The following PYM1 variants were observed in gnomAD, a reference collection of about 807,000 sequenced individuals.
The protein encoded by PYM1 is PYM1 exon junction complex associated factor.
PYM1 carries 7 observed loss-of-function variants against 20.7 expected under a neutral mutation model. The ratio of observed to expected loss-of-function variants is 0.34; its 90% CI spans 0.19 to 0.64. PYM1 has a LOEUF of 0.64. Among genes scored for constraint, PYM1 ranks in the 30% least tolerant of loss-of-function variants. The probability of loss-of-function intolerance (pLI) is 0.74; values close to 1 mark genes in which losing one functional copy is unlikely to be tolerated. For synonymous variants in PYM1, 100 were observed against 99.2 expected (o/e 1.01, Z -0.05); for missense variants, 194 against 250.0 (o/e 0.78, Z 1.51).
intron 1 of PYM1, among the ~76,000 whole-genome samples, chr12:55,921,563 T>C (rs1883097912): frequency 6.6e-6 from 1 of 151,932 alleles, no homozygotes; most frequent in Non-Finnish European, 1.5e-5. Flanking sequence ...TAAAAACACC[T>C]AGTGATCAGA....
intron 1 of PYM1, among the ~76,000 whole-genome samples, chr12:55,922,608 A>T (rs1157218631): frequency 6.6e-6 from 1 of 151,990 alleles, no homozygotes; most frequent in Non-Finnish European, 1.5e-5. Context: ...CAGAGGGAAG[A>T]CCCTGTCTCA....
intron 1 of PYM1, among the ~76,000 whole-genome samples, chr12:55,917,700 G>A (rs1883031246): frequency 1.3e-5 from 2 of 151,872 alleles, no homozygotes; most frequent in South Asian, 4.2e-4. Flanking sequence ...AGTGGCTCAC[G>A]CCTGTAATCC....
chr12:55,902,722 C>T (rs976874037), intron 2 of PYM1, among the ~76,000 whole-genome samples: 7 of 150,838 alleles, frequency 4.6e-5, no homozygotes, highest in East Asian at 4.0e-4. Flanking sequence ...GGTGATCCAC[C>T]GATCTTGGCC....
chr12:55,910,456 GT>G (rs1882902955), intron 1 of PYM1, among the ~76,000 whole-genome samples: 1 of 151,540 alleles, frequency 6.6e-6, no homozygotes. Flanking sequence ...TACTGTTTTT[GT>G]TTTTTGACAC....
At position 55,902,088 on chromosome 12, in the gene PYM1, T is replaced by C; in HGVS notation, c.399A>G (p.Ala133=). Residue 133 remains alanine (A), a synonymous_variant, in exon 3 of 3, where the codon GCA becomes GCG. Coordinates refer to ENST00000408946, the MANE Select transcript of PYM1 (RefSeq NM_032345.3). The part of the protein sequence containing the change: ...QLPSAPQGSR[A]APTAASDQPD... ...GCTGGTCAGATGCAGCTGTGGGGGC[T>C]GCCCGAGAGCCCTGTGGAGCACTGG... 6.2e-7 allele frequency: 1 copy of C among 1,614,150 alleles called. No homozygotes were observed. The highest frequency in any genetic ancestry group is 2.2e-5 in the East Asian group (1 of 44,864).
intron 1 of PYM1, among the ~76,000 whole-genome samples, chr12:55,923,356 A>G (rs1291770548): frequency 6.6e-6 from 1 of 152,002 alleles, no homozygotes; most frequent in African/African-American, 2.4e-5. Context: ...GCTTGAGCCC[A>G]GGAATTTGAG....
At chr12:55,916,041 A>G (rs1883000420) in intron 1 of PYM1, among the ~76,000 whole-genome samples, 1 of 152,258 alleles carries the variant, frequency 6.6e-6, no homozygotes, top group Non-Finnish European at 1.5e-5. Flanking sequence ...AAGAGGTTAA[A>G]CACATGGTCA....
At chr12:55,910,633 A>G (rs1203451569) in intron 1 of PYM1, among the ~76,000 whole-genome samples, 1 of 152,056 alleles carries the variant, frequency 6.6e-6, no homozygotes, top group Non-Finnish European at 1.5e-5. Flanking sequence ...TAGTAGAGAC[A>G]GGGTTTCGCC....
At chr12:55,920,951 T>C (rs965778821) in intron 1 of PYM1, among the ~76,000 whole-genome samples, 6 of 152,232 alleles carry the variant, frequency 3.9e-5, no homozygotes, top group African/African-American at 1.4e-4. Context: ...ATATATGCCA[T>C]ATATAACAGC....
At chr12:55,910,441 CTAAT>C (rs1338915730) in intron 1 of PYM1, among the ~76,000 whole-genome samples, 3 of 151,584 alleles carry the variant, frequency 2.0e-5, no homozygotes, top group African/African-American at 7.3e-5. Flanking sequence ...CCACACCTGG[CTAAT>C]TACTGTTTTT....
chr12:55,903,532 C>G (rs2136256325), intron 1 of PYM1, 52 bp from the exon 2 acceptor site: 1 of 1,549,232 alleles, frequency 6.5e-7, no homozygotes, highest in Non-Finnish European at 8.9e-7. Flanking sequence ...AAACATTTTA[C>G]AAGATGAGAC....
chr12:55,926,136 A>G (rs1290548712), intron 1 of PYM1, among the ~76,000 whole-genome samples: 1 of 152,252 alleles, frequency 6.6e-6, no homozygotes, highest in Non-Finnish European at 1.5e-5. Context: ...TGAGGGCTAC[A>G]AAAACAGAAA....
intron 2 of PYM1, 122 bp from the exon 3 acceptor site, chr12:55,902,477 G>A (rs1312288187): frequency 1.4e-6 from 2 of 1,391,752 alleles, no homozygotes; most frequent in Non-Finnish European, 1.9e-6. Flanking sequence ...TGTTGTTTTT[G>A]TGGGGTTGTT....
intron 1 of PYM1, among the ~76,000 whole-genome samples, chr12:55,923,666 G>A (rs185499568): frequency 6.6e-6 from 1 of 151,966 alleles, no homozygotes; most frequent in African/African-American, 2.4e-5. Flanking sequence ...CTATATTAAC[G>A]TAAGATGACA....
intron 1 of PYM1, chr12:55,914,343 G>A (rs1324913232): frequency 1.4e-6 from 1 of 702,200 alleles, no homozygotes; most frequent in Non-Finnish European, 2.6e-6. Flanking sequence ...CAAAAAGAAG[G>A]GAGAGGTTTG....
chr12:55,922,328 G>A (rs986374013), intron 1 of PYM1, among the ~76,000 whole-genome samples: 4 of 151,674 alleles, frequency 2.6e-5, no homozygotes, highest in African/African-American at 9.7e-5. Flanking sequence ...ATACTAACAG[G>A]CTGGGCATAG....
intron 1 of PYM1, among the ~76,000 whole-genome samples, chr12:55,915,847 G>C (rs1882996779): frequency 6.6e-6 from 1 of 152,210 alleles, no homozygotes; most frequent in Non-Finnish European, 1.5e-5. Flanking sequence ...AGAGAAAAGG[G>C]AAAGGGGATA....
intron 1 of PYM1, among the ~76,000 whole-genome samples, chr12:55,921,023 A>C (rs979632676): frequency 6.6e-6 from 1 of 152,244 alleles, no homozygotes; most frequent in Non-Finnish European, 1.5e-5. Context: ...GCACTTAAGA[A>C]GCAGTAATCT....
intron 1 of PYM1, chr12:55,926,939 AGAAT>A (rs1459600854): frequency 4.6e-5 from 41 of 899,914 alleles, no homozygotes; most frequent in Non-Finnish European, 5.7e-5. Flanking sequence ...CCCGTAGGAG[AGAAT>A]GAATGGGGAA....
Sources: allele counts gnomAD v4.1 joint callset (sites outside exome capture counted in the v4.1 genomes callset), GRCh38; gene constraint gnomAD v4.1.1; transcripts MANE v1.5; gene names NCBI Gene and HGNC (gene_info 2026-07-23, HGNC 2026-07-21).